The following TNRC18 variants were observed in gnomAD, a reference collection of about 807,000 sequenced individuals.
The protein encoded by TNRC18 is trinucleotide repeat containing 18, also known as trinucleotide repeat-containing gene 18 protein.
Under a neutral mutation model 226.7 loss-of-function variants are expected in TNRC18, and 69 were observed. The ratio of observed to expected loss-of-function variants is 0.30; its 90% CI spans 0.25 to 0.37. TNRC18 has a LOEUF of 0.37. Among genes scored for constraint, TNRC18 ranks in the 10% least tolerant of loss-of-function variants. The probability of loss-of-function intolerance (pLI) is 1.00; values close to 1 mark genes in which losing one functional copy is unlikely to be tolerated. For synonymous variants in TNRC18, 2,449 were observed against 1,927.6 expected, an observed-to-expected ratio of 1.27 and a Z score of -7.09; for missense variants, 4,754 against 4,256.6, an observed-to-expected ratio of 1.12 and a Z score of -3.25.
In TNRC18 at chr7:5,313,826, G is replaced by A. The variant is rs374283744; in HGVS notation, c.7065C>T (p.Asp2355=). 7.2e-5 allele frequency: 108 copies of A among 1,506,042 alleles called. No homozygotes were observed. In the East Asian group the frequency reaches 9.6e-4, roughly 13 times the overall value. The allele number at this position is 1,506,042 out of a possible 1,614,324, so 93.3% of individuals were successfully genotyped here. A position where few individuals can be genotyped will look rare whatever the true frequency, so the allele number is the denominator to read the frequency against. ...AATLEEGNPT[D]EVPSTPLALE... The stretch of plus-strand genomic sequence containing the variant: ...GGGCTAAGGGGGTACTGGGGACCTC[G>A]TCTGTTGGGTTCCCCTCCTCCAGGG... The change falls in exon 27 of 30, where the codon GAC becomes GAT. Residue 2355 remains aspartate (D), a synonymous_variant. Transcript: ENST00000430969.
intron 11 of TNRC18, among the ~76,000 whole-genome samples, chr7:5,365,025 G>A (rs1008133461): frequency 4.3e-5 from 6 of 138,610 alleles, no homozygotes; most frequent in African/African-American, 1.6e-4. Flanking sequence ...AGAATCATGT[G>A]GGGGGGCGGG....
intron 15 of TNRC18, among the ~76,000 whole-genome samples, 156 bp downstream of exon 15, chr7:5,359,242 G>A (rs2128157842): frequency 6.6e-6 from 1 of 152,250 alleles, no homozygotes; most frequent in Admixed American, 6.5e-5. Context: ...TGTACAATAA[G>A]GAAGATTGGA....
chr7:5,415,448 C>T (rs543058559), intron 2 of TNRC18, among the ~76,000 whole-genome samples: 1 of 143,708 alleles, frequency 7.0e-6, no homozygotes, highest in African/African-American at 2.6e-5. Context: ...ATGATCTTGG[C>T]TCACTGCAAC....
At chr7:5,350,081 C>T (rs1028927919) in intron 17 of TNRC18, among the ~76,000 whole-genome samples, 2 of 151,760 alleles carry the variant, frequency 1.3e-5, no homozygotes, top group Non-Finnish European at 2.9e-5. Context: ...AAGCGGAAAC[C>T]GCGGCTTTAA....
At chr7:5,363,653 CA>C (rs1793313274) in intron 11 of TNRC18, among the ~76,000 whole-genome samples, 1 of 152,092 alleles carries the variant, frequency 6.6e-6, no homozygotes, top group Non-Finnish European at 1.5e-5. Flanking sequence ...ACGCCTGGCA[CA>C]GGGTCCTGTG....
In TNRC18 at chr7:5,377,703, G is replaced by A; in HGVS notation, c.2256-127C>T. 1 of 1,165,960 alleles carries A rather than the reference G, an allele frequency of 8.6e-7. No homozygotes were observed. Among genetic ancestry groups the A allele is most frequent in the South Asian group, 1.5e-5 (1 of 65,994 alleles). The allele number at this position is 1,165,960 out of a possible 1,614,324, so 72.2% of individuals were successfully genotyped here. ...GTCAGGACAACCACTGCTCGGAACT[G>A]AAGGGCCTCCCGGGGCCTTCCACAC... On this transcript the variant is annotated intron_variant, in intron 6 of 29. Coordinates refer to ENST00000430969, the MANE Select transcript of TNRC18 (RefSeq NM_001080495.3). The surrounding 1 kb of genome is among the most constrained non-coding windows in gnomAD (Gnocchi z 5.8).
chr7:5,378,288 A>G (rs1779147724), intron 5 of TNRC18, among the ~76,000 whole-genome samples: 1 of 152,256 alleles, frequency 6.6e-6, no homozygotes, highest in Admixed American at 6.5e-5. Context: ...CCCTAGACAG[A>G]CAACCGTGGC....
At chr7:5,345,517 G>GTCCCCCCCCCCCCCCC in intron 18 of TNRC18, 45 bp downstream of exon 18, 1 of 377,744 alleles carries the variant, frequency 2.6e-6, no homozygotes, top group Non-Finnish European at 4.8e-6. Flanking sequence ...AATGGCGTCC[G>GTCCCCCCCCCCCCCCC]CCCCTCCCAC....
chr7:5,335,587 A>G (rs1332164295), intron 18 of TNRC18, among the ~76,000 whole-genome samples: 4 of 144,864 alleles, frequency 2.8e-5, no homozygotes, highest in Non-Finnish European at 4.5e-5. Context: ...TCTGGGTGAC[A>G]GAGTGAGACT....
In TNRC18 at chr7:5,388,312, G is replaced by A. The variant is rs746677915; in HGVS notation, c.1512C>T (p.Thr504=). 3.7e-5 allele frequency: 59 copies of A among 1,604,292 alleles called. No individual in the cohort carries two copies. The highest frequency in any genetic ancestry group is 4.4e-5 in the Non-Finnish European group (52 of 1,176,688). The part of the protein sequence containing the change: ...FGLEPGRPPP[T]GPEHKWKPFE... ...AGGGTTTCCATTTATGCTCAGGGCC[G>A]GTGGGCGGGGGGCGCCCGGGCTCCA... Residue 504 remains threonine (T), a synonymous_variant, in exon 5 of 30, where the codon ACC becomes ACT. Coordinates refer to ENST00000430969, the MANE Select transcript of TNRC18 (RefSeq NM_001080495.3).
chr7:5,352,916 C>A (rs574163587), intron 16 of TNRC18, among the ~76,000 whole-genome samples: 1 of 152,230 alleles, frequency 6.6e-6, no homozygotes, highest in Non-Finnish European at 1.5e-5. Context: ...CCACTCCAGA[C>A]GGGGGGAACG....
chr7:5,377,509 G>A lies in TNRC18; in HGVS notation c.2323C>T (p.Pro775Ser). ...GGGCCCCCCGTCACCATGAGGTTGG[G>A]GTTCAGGCCGTTAGGAGCACAGCTG... Reference protein sequence around the residue: ...PTSCAPNGLNPNLMVTGGPAL... With the variant: ...PTSCAPNGLNSNLMVTGGPAL... Residue 775 changes from proline (P) to serine (S), a missense_variant, in exon 7 of 30, where the codon CCC (proline) becomes TCC (serine). Transcript: ENST00000430969. The surrounding 1 kb of genome is among the most constrained non-coding windows in gnomAD (Gnocchi z 5.8). 6.3e-7 allele frequency: 1 copy of A among 1,587,324 alleles called. No individual in the cohort carries two copies. Among genetic ancestry groups the A allele is most frequent in the Non-Finnish European group, 8.6e-7 (1 of 1,167,524 alleles).
chr7:5,392,073 T>C (rs1562606625), intron 3 of TNRC18, among the ~76,000 whole-genome samples: 1 of 151,986 alleles, frequency 6.6e-6, no homozygotes, highest in Non-Finnish European at 1.5e-5. Flanking sequence ...ACTGGGCCGA[T>C]GTCTTCTCTC....
intron 2 of TNRC18, among the ~76,000 whole-genome samples, chr7:5,412,056 A>T (rs1781876624): frequency 6.6e-6 from 1 of 151,886 alleles, no homozygotes; most frequent in Admixed American, 6.6e-5. Context: ...GTGTGGTGGA[A>T]CGCACCTGTA....
chr7:5,367,394 G>A (rs898303825), intron 11 of TNRC18, among the ~76,000 whole-genome samples: 1 of 151,678 alleles, frequency 6.6e-6, no homozygotes, highest in African/African-American at 2.4e-5. Flanking sequence ...AACAAAACCA[G>A]TACCAGGTGG....
chr7:5,374,199 A>C lies in TNRC18; in HGVS notation c.3085T>G (p.Ser1029Ala), dbSNP rs895419701. The C allele has an allele frequency of 2.2e-6, 2 of 900,324 alleles. No homozygotes were observed. Among genetic ancestry groups the C allele is most frequent in the South Asian group, 4.8e-5 (1 of 20,774 alleles). The allele number at this position is 900,324 out of a possible 1,614,324, so 55.8% of individuals were successfully genotyped here. ...PAYAYPATPS[S>A]HPTSPPPASP... is the part of the protein sequence containing the mutation. Reference sequence around the variant, plus strand: ...GCGGGCGGCGGGCTGGTGGGGTGGGAGCTGGGGGTGGCGGGGTAGGCGTAG... The same window carrying C: ...GCGGGCGGCGGGCTGGTGGGGTGGGCGCTGGGGGTGGCGGGGTAGGCGTAG... The change falls in exon 10 of 30, where the codon TCC (serine) becomes GCC (alanine). Residue 1029 changes from serine (S) to alanine (A), a missense_variant. Physicochemically the swap from Ser to Ala is moderately conservative, Grantham distance 99 (BLOSUM62 1). Transcript: ENST00000430969.
intron 2 of TNRC18, among the ~76,000 whole-genome samples, chr7:5,417,276 G>A (rs1037903742): frequency 1.8e-4 from 27 of 152,184 alleles, no homozygotes; most frequent in African/African-American, 5.1e-4. Flanking sequence ...AACACCAGCC[G>A]GGGCAACATA....
At position 5,388,657 on chromosome 7, in the gene TNRC18, C is replaced by G. The variant is rs1480308644; in HGVS notation, c.1167G>C (p.Gln389His). The G allele has an allele frequency of 1.3e-5, 17 of 1,276,726 alleles. No homozygotes were observed. The highest frequency in any genetic ancestry group is 4.0e-5 in the South Asian group (2 of 49,826). The allele number at this position is 1,276,726 out of a possible 1,614,324, so 79.1% of individuals were successfully genotyped here. ...GGGCATCGCGCGCCTGGGATGCGAT[C>G]TGGATGGGCCCCGGGCGCTCGTCGA... ...EAFDERPGPI[Q>H]IASQARDARA... The change falls in exon 5 of 30, where the codon CAG (glutamine) becomes CAC (histidine). Residue 389 changes from glutamine to histidine, a missense_variant. By Grantham distance (24) the Gln-to-His change is conservative (BLOSUM62 0). Transcript: ENST00000430969.
At chr7:5,396,989 G>A (rs558841503) in intron 2 of TNRC18, among the ~76,000 whole-genome samples, 2 of 152,318 alleles carry the variant, frequency 1.3e-5, no homozygotes, top group South Asian at 4.1e-4. Context: ...GCAAAGAAGG[G>A]CAGGGCCTCC....
Sources: allele counts gnomAD v4.1 joint callset (sites outside exome capture counted in the v4.1 genomes callset), GRCh38; gene constraint gnomAD v4.1.1; non-coding constraint Gnocchi (gnomAD v3.1); transcripts MANE v1.5; gene names NCBI Gene and HGNC (gene_info 2026-07-23, HGNC 2026-07-21).